The following SH3TC2 variants were observed in gnomAD, a reference collection of about 807,000 sequenced individuals.
SH3TC2 encodes the protein SH3 domain and tetratricopeptide repeats 2, also known as SH3 domain and tetratricopeptide repeat-containing protein 2.
A neutral mutation model predicts 124.5 loss-of-function variants in SH3TC2; 87 were observed. That is an observed-to-expected ratio of 0.70 (90% CI 0.59 to 0.84). The LOEUF is 0.84. Ranked by LOEUF, SH3TC2 falls within the 40% of genes least tolerant of loss-of-function variation. The pLI is 0.00. For missense variants in SH3TC2, 1,536 were observed against 1,566.4 expected (o/e 0.98, Z 0.33); for synonymous variants, 634 against 628.5 (o/e 1.01, Z -0.13).
intron 13 of SH3TC2, among the ~76,000 whole-genome samples, chr5:149,011,580 T>C (rs1753783660): frequency 6.6e-6 from 1 of 152,166 alleles, no homozygotes; most frequent in African/African-American, 2.4e-5. Flanking sequence ...CTCTGTAAAA[T>C]GGAAATTATA....
At chr5:149,010,075 G>A (rs551564042) in intron 14 of SH3TC2, among the ~76,000 whole-genome samples, 195 bp downstream of exon 14, 7 of 152,282 alleles carry the variant, frequency 4.6e-5, no homozygotes, top group African/African-American at 1.7e-4. Context: ...GCCTGAGAAT[G>A]ACTAAGTTTA....
At chr5:149,028,762 G>A (rs1160790115) in intron 9 of SH3TC2, 44 bp from the exon 10 acceptor site, 4 of 1,607,366 alleles carry the variant, frequency 2.5e-6, no homozygotes, top group Non-Finnish European at 3.4e-6. Context: ...GTCAGGATGG[G>A]CCACCATGCC....
At chr5:149,058,690 T>A (rs149813844) in intron 1 of SH3TC2, among the ~76,000 whole-genome samples, 1 of 151,990 alleles carries the variant, frequency 6.6e-6, no homozygotes, top group African/African-American at 2.4e-5. Context: ...GCTTTGTACA[T>A]ACATGGGATG....
At chr5:149,062,479 C>T (rs184364852) in intron 1 of SH3TC2, 2 of 473,158 alleles carry the variant, frequency 4.2e-6, no homozygotes, top group East Asian at 6.9e-5. Flanking sequence ...GATGCACACA[C>T]TCACACATGC....
intron 1 of SH3TC2, among the ~76,000 whole-genome samples, chr5:149,056,835 A>G (rs961388980): frequency 3.3e-5 from 5 of 152,220 alleles, no homozygotes; most frequent in Non-Finnish European, 7.3e-5. Flanking sequence ...TGAAAACTTG[A>G]GCTGGGCCTT....
intron 1 of SH3TC2, among the ~76,000 whole-genome samples, chr5:149,058,103 T>C (rs1754682695): frequency 6.6e-6 from 1 of 152,256 alleles, no homozygotes; most frequent in Non-Finnish European, 1.5e-5. Context: ...TAACATCATC[T>C]GAACACCTTG....
At position 148,989,945 on chromosome 5, in the gene SH3TC2, A is replaced by C. The variant is rs891919; in HGVS notation, c.*14766T>G. The stretch of plus-strand genomic sequence containing the variant: ...AGTTCTTGGGGTGTGGGGATACACA[A>C]GTGTGTGCATGTTTGTGTGTATGTG... On this transcript the variant is annotated 3_prime_UTR_variant, in exon 17 of 17. Transcript: ENST00000515425. 1.3e-5 allele frequency among the ~76,000 whole-genome samples: 2 copies of C among 151,936 alleles called. No homozygotes were observed. Among genetic ancestry groups the C allele is most frequent in the East Asian group, 1.9e-4 (1 of 5,152 alleles).
At position 148,999,997 on chromosome 5, in the gene SH3TC2, T is replaced by G. The variant is rs1371191381; in HGVS notation, c.*4714A>C. Among the ~76,000 whole-genome samples the G allele has an allele frequency of 6.6e-6, 1 of 152,186 alleles. No individual in the cohort carries two copies. The highest frequency in any genetic ancestry group is 1.5e-5 in the Non-Finnish European group (1 of 68,032). On this transcript the variant is annotated 3_prime_UTR_variant, in exon 17 of 17. Transcript: ENST00000515425. The stretch of plus-strand genomic sequence containing the variant: ...CTGTCTGTCAATACCAACCTGCTGG[T>G]CTGCAGTTAGAATTAAGTAAGTGTC...
At chr5:149,013,792 A>T (rs2127393667) in intron 12 of SH3TC2, among the ~76,000 whole-genome samples, 1 of 152,326 alleles carries the variant, frequency 6.6e-6, no homozygotes, top group South Asian at 2.1e-4. Context: ...AACACTGTGC[A>T]TCATCTAGAT....
rs976308625 is a variant in SH3TC2, at chr5:149,044,284, T to C, written c.385+249A>G. The C allele has an allele frequency of 5.4e-5, 24 of 443,200 alleles. 1 individual carries two copies. The Admixed American group carries it at 8.3e-4, about 15-fold the overall frequency. 27.5% of individuals were successfully genotyped at this position (443,200 alleles called of 1,614,324 possible). On this transcript the variant is annotated intron_variant, in intron 4 of 16. Coordinates refer to ENST00000515425, the MANE Select transcript of SH3TC2 (RefSeq NM_024577.4). ...CAATAACTGTTTTCCAATTGATTGG[T>C]TATCTAATAAAAAAAGATCTCCCTG...
rs577321794 is a variant in SH3TC2, at chr5:149,004,387, G to T, written c.*324C>A. The T allele has an allele frequency of 1.7e-4, 52 of 310,274 alleles. No individual in the cohort carries two copies. The highest frequency in any genetic ancestry group is 1.0e-3 in the African/African-American group (49 of 47,338). The allele number at this position is 310,274 out of a possible 1,614,324, so 19.2% of individuals were successfully genotyped here. ...TTTCCTCATTGGGGGAGGAAGGAAGGCTCCTGGAGGGCAAGATCCCTCATC... is the reference window on the plus strand; with the variant it reads ...TTTCCTCATTGGGGGAGGAAGGAAGTCTCCTGGAGGGCAAGATCCCTCATC... On this transcript the variant is annotated 3_prime_UTR_variant, in exon 17 of 17. Coordinates refer to ENST00000515425, the MANE Select transcript of SH3TC2 (RefSeq NM_024577.4).
intron 2 of SH3TC2, among the ~76,000 whole-genome samples, chr5:149,048,616 A>G (rs1754506818): frequency 6.6e-6 from 1 of 152,228 alleles, no homozygotes; most frequent in Admixed American, 6.5e-5. Context: ...AGCTTTCTAT[A>G]AGCCAGAAGC....
At chr5:149,055,999 T>C (rs1420364308) in intron 1 of SH3TC2, among the ~76,000 whole-genome samples, 1 of 152,200 alleles carries the variant, frequency 6.6e-6, no homozygotes, top group Non-Finnish European at 1.5e-5. Context: ...GATGAGTATA[T>C]TCACTTGTGA....
chr5:149,045,957 A>G (rs964331543), intron 3 of SH3TC2: 2 of 426,954 alleles, frequency 4.7e-6, no homozygotes, highest in South Asian at 1.7e-5. Context: ...GTTTTTTTAT[A>G]ATACCTAAAA....
At position 148,986,481 on chromosome 5, in the gene SH3TC2, G is replaced by A. The variant is rs1305808403; in HGVS notation, c.*18230C>T. Among the ~76,000 whole-genome samples, 1 of 152,148 alleles carries A rather than the reference G, an allele frequency of 6.6e-6. No homozygotes were observed. Among genetic ancestry groups the A allele is most frequent in the Non-Finnish European group, 1.5e-5 (1 of 68,038 alleles). ...ATCTCCTTGTCTTACTTTTATCATAGCACTCATTTTTCTGCTGTTTCTCTG... is the reference window on the plus strand; with the variant it reads ...ATCTCCTTGTCTTACTTTTATCATAACACTCATTTTTCTGCTGTTTCTCTG... On this transcript the variant is annotated 3_prime_UTR_variant, in exon 17 of 17. Transcript: ENST00000515425.
chr5:149,054,579 A>G (rs1754611109), intron 1 of SH3TC2, among the ~76,000 whole-genome samples: 1 of 152,184 alleles, frequency 6.6e-6, no homozygotes, highest in Non-Finnish European at 1.5e-5. Flanking sequence ...TGGCCCACAC[A>G]GTGAATTTTT....
intron 3 of SH3TC2, chr5:149,045,184 T>C (rs542164671): frequency 2.0e-5 from 3 of 152,810 alleles, no homozygotes; most frequent in African/African-American, 7.2e-5. Context: ...TAAATTTGCA[T>C]CTTTTTTCCT....
chr5:149,038,559 G>A, intron 7 of SH3TC2, 69 bp from the exon 8 acceptor site: 1 of 1,513,274 alleles, frequency 6.6e-7, no homozygotes, highest in Non-Finnish European at 9.2e-7. Flanking sequence ...ACCTTCCAAT[G>A]CAATAGAAAA....
intron 1 of SH3TC2, 134 bp downstream of exon 1, chr5:149,062,837 G>A: frequency 3.6e-6 from 3 of 831,842 alleles, no homozygotes; most frequent in Non-Finnish European, 6.1e-6. Flanking sequence ...AGGGAGGAAG[G>A]AGAGGCAGCC....
Sources: allele counts gnomAD v4.1 joint callset (sites outside exome capture counted in the v4.1 genomes callset), GRCh38; gene constraint gnomAD v4.1.1; transcripts MANE v1.5; gene names NCBI Gene and HGNC (gene_info 2026-07-23, HGNC 2026-07-21).